Variants in SORBS2 observed in about 807,000 individuals in gnomAD.
SORBS2 encodes sorbin and SH3 domain-containing protein 2.
SORBS2 carries 46 observed loss-of-function variants against 97.7 expected under a neutral mutation model. The observed-to-expected ratio is 0.47, with a 90% CI of 0.37 to 0.60. The LOEUF is 0.60. Ranked by LOEUF, SORBS2 falls within the 20% of genes least tolerant of loss-of-function variation. SORBS2 has a pLI of 0.00. For synonymous variants in SORBS2, 476 were observed against 473.4 expected (o/e 1.01, Z -0.07); for missense variants, 1,316 against 1,282.3 (o/e 1.03, Z -0.40).
At chr4:185,736,052 AC>A (rs956018454) in intron 2 of SORBS2, among the ~76,000 whole-genome samples, 1 of 152,124 alleles carries the variant, frequency 6.6e-6, no homozygotes, top group African/African-American at 2.4e-5. Context: ...GTGCCAAGTC[AC>A]CCAGGTCTCA....
chr4:185,616,836 C>T (rs2096635705), intron 9 of SORBS2, among the ~76,000 whole-genome samples: 1 of 152,162 alleles, frequency 6.6e-6, no homozygotes, highest in Admixed American at 6.5e-5. Context: ...GCAACCTTCA[C>T]CTCCCAGGTT....
chr4:185,868,405 C>T (rs140385380), intron 1 of SORBS2, among the ~76,000 whole-genome samples: 1,592 of 151,914 alleles, frequency 0.01, 32 homozygotes, highest in African/African-American at 0.036. Flanking sequence ...ATCCACCCAC[C>T]TCGGCCTCCC....
chr4:185,773,353 G>A (rs2098982625), intron 2 of SORBS2: 1 of 152,222 alleles, frequency 6.6e-6, no homozygotes, highest in Non-Finnish European at 1.5e-5. Context: ...TTATAATGTA[G>A]ATTTGAAGGG....
intron 1 of SORBS2, among the ~76,000 whole-genome samples, chr4:185,873,037 G>T (rs1472475042): frequency 6.6e-6 from 1 of 152,130 alleles, no homozygotes; most frequent in East Asian, 1.9e-4. Flanking sequence ...AGCATAGAGA[G>T]GATGCTTATT....
chr4:185,925,929 G>A (rs771675540), intron 1 of SORBS2, among the ~76,000 whole-genome samples: 12 of 152,250 alleles, frequency 7.9e-5, no homozygotes, highest in Non-Finnish European at 1.5e-4. Flanking sequence ...GACTTAAGCT[G>A]AGAGGTCAAA....
intron 1 of SORBS2, among the ~76,000 whole-genome samples, chr4:185,949,789 A>C (rs760243190): frequency 1.3e-5 from 2 of 152,198 alleles, no homozygotes; most frequent in African/African-American, 4.8e-5. Context: ...TCTGAGACCT[A>C]TTTGGGAACT....
chr4:185,701,080 A>AT (rs1287571514), intron 2 of SORBS2, among the ~76,000 whole-genome samples: 3 of 152,176 alleles, frequency 2.0e-5, no homozygotes, highest in Non-Finnish European at 4.4e-5. Context: ...ACTTTTTGAG[A>AT]TTGTTAGTTG....
rs1430990661 is a variant in SORBS2, at chr4:185,670,294, G to A, written c.-45-8052C>T. ...AAAATAATGTGTGAGTGTTAATAAC[G>A]TGCGTTTCAACTTTTCAAAAAAATT... On this transcript the variant is annotated intron_variant, in intron 4 of 20. Transcript: ENST00000284776. Among the ~76,000 whole-genome samples, 6 of 152,072 alleles carry A rather than the reference G, an allele frequency of 3.9e-5. 1 individual carries two copies. The highest frequency in any genetic ancestry group is 1.2e-4 in the African/African-American group (5 of 41,414).
intron 4 of SORBS2, 99 bp from the exon 8 acceptor site, chr4:185,662,341 T>C: frequency 1.7e-6 from 2 of 1,192,706 alleles, no homozygotes; most frequent in South Asian, 3.1e-5. Flanking sequence ...CACATGAGAG[T>C]AATCAGCTGC....
chr4:185,732,321 C>T (rs539291598), intron 2 of SORBS2, among the ~76,000 whole-genome samples: 9 of 152,108 alleles, frequency 5.9e-5, no homozygotes, highest in Non-Finnish European at 1.2e-4. Flanking sequence ...AAAGTGTGAC[C>T]GAGAGAGTGT....
chr4:185,646,434 A>T (rs1383859822), intron 4 of SORBS2: 2 of 312,886 alleles, frequency 6.4e-6, no homozygotes, highest in East Asian at 4.4e-5. Context: ...TATATATATA[A>T]ATACACACAC....
chr4:185,881,796 T>C (rs973163806), intron 1 of SORBS2, among the ~76,000 whole-genome samples: 5 of 152,138 alleles, frequency 3.3e-5, no homozygotes, highest in Admixed American at 3.3e-4. Flanking sequence ...AAAATAAACA[T>C]AACAATGTAA....
At chr4:185,641,270 G>A (rs1426655543) in intron 4 of SORBS2, among the ~76,000 whole-genome samples, 1 of 152,040 alleles carries the variant, frequency 6.6e-6, no homozygotes, top group East Asian at 1.9e-4. Context: ...TAGAATGCAT[G>A]CCAATAGAAA....
At chr4:185,916,528 GA>G (rs746022449) in intron 1 of SORBS2, among the ~76,000 whole-genome samples, 40 of 152,186 alleles carry the variant, frequency 2.6e-4, no homozygotes, top group Non-Finnish European at 5.6e-4. Flanking sequence ...TCAATAGCTG[GA>G]TTCTTGAAGT....
intron 1 of SORBS2, among the ~76,000 whole-genome samples, chr4:185,816,035 T>C (rs2099193085): frequency 1.3e-5 from 2 of 152,208 alleles, no homozygotes; most frequent in East Asian, 3.8e-4. Flanking sequence ...ACTAAAGTGA[T>C]TACTACCATT....
intron 1 of SORBS2, among the ~76,000 whole-genome samples, chr4:185,936,194 C>G (rs941185543): frequency 5.3e-5 from 8 of 152,200 alleles, no homozygotes; most frequent in Admixed American, 4.6e-4. Context: ...ACGTGCTATT[C>G]AAACTTAGTC....
At chr4:185,767,265 G>T (rs563947082) in intron 2 of SORBS2, among the ~76,000 whole-genome samples, 2 of 151,732 alleles carry the variant, frequency 1.3e-5, no homozygotes, top group East Asian at 3.9e-4. Flanking sequence ...TTGGGAGGCC[G>T]AGGCGGGCGG....
At chr4:185,894,298 A>C (rs2099243956) in intron 1 of SORBS2, 1 of 152,220 alleles carries the variant, frequency 6.6e-6, no homozygotes, top group Admixed American at 6.5e-5. Flanking sequence ...GAGACTCACC[A>C]GGTGCTTCAT....
chr4:185,799,401 G>A (rs892803911), intron 1 of SORBS2, among the ~76,000 whole-genome samples: 4 of 152,220 alleles, frequency 2.6e-5, no homozygotes, highest in African/African-American at 9.6e-5. Flanking sequence ...ACCGGGTAGT[G>A]GGAAGTTTTC....
Sources: allele counts gnomAD v4.1 joint callset (sites outside exome capture counted in the v4.1 genomes callset), GRCh38; gene constraint gnomAD v4.1.1; transcripts MANE v1.5; gene names NCBI Gene and HGNC (gene_info 2026-07-23, HGNC 2026-07-21).